Variants in ANO3 observed in about 807,000 individuals in gnomAD.
ANO3 encodes the protein anoctamin-3.
In ANO3, 99 loss-of-function variants were observed where a neutral mutation model predicts 144.8. That is an observed-to-expected ratio of 0.68 (90% confidence interval 0.58 to 0.81). The LOEUF is 0.81. Ranked by LOEUF, ANO3 falls within the 30% of genes least tolerant of loss-of-function variation. The probability of loss-of-function intolerance (pLI) is 0.00; values close to 1 mark genes in which losing one functional copy is unlikely to be tolerated. For missense variants in ANO3, 905 were observed against 1,202.2 expected (o/e 0.75, Z 3.66); for synonymous variants, 414 against 392.6 (o/e 1.05, Z -0.64).
intron 14 of ANO3, among the ~76,000 whole-genome samples, chr11:26,585,492 C>T (rs183829645): frequency 3.3e-5 from 5 of 152,168 alleles, no homozygotes; most frequent in Admixed American, 3.3e-4. Context: ...CCTCTGTTGC[C>T]ATCTTTATTT....
At chr11:26,267,182 A>C (rs1014393827) in intron 1 of ANO3, among the ~76,000 whole-genome samples, 1 of 150,478 alleles carries the variant, frequency 6.6e-6, no homozygotes, top group Admixed American at 6.6e-5. Flanking sequence ...TCACGCACGC[A>C]CGCACACACA....
At chr11:26,571,197 G>A (rs766278043) in intron 14 of ANO3, among the ~76,000 whole-genome samples, 8 of 151,964 alleles carry the variant, frequency 5.3e-5, no homozygotes, top group South Asian at 2.1e-4. Context: ...AAGTTTCTCC[G>A]AAAGGAAAGT....
chr11:26,550,208 A>G (rs1590508507), intron 12 of ANO3, among the ~76,000 whole-genome samples: 1 of 148,440 alleles, frequency 6.7e-6, no homozygotes, highest in East Asian at 1.9e-4. Context: ...AAATAAATTA[A>G]CACAATTAAT....
At chr11:26,649,183 G>A (rs1438831277) in intron 24 of ANO3, among the ~76,000 whole-genome samples, 2 of 152,072 alleles carry the variant, frequency 1.3e-5, no homozygotes, top group Non-Finnish European at 2.9e-5. Context: ...AACAAAACGA[G>A]ACTATAATTC....
At chr11:26,462,356 T>C (rs1477322926) in intron 3 of ANO3, among the ~76,000 whole-genome samples, 1 of 151,956 alleles carries the variant, frequency 6.6e-6, no homozygotes, top group African/African-American at 2.4e-5. Context: ...CTTGGTCATA[T>C]AGACACCATA....
intron 1 of ANO3, among the ~76,000 whole-genome samples, chr11:26,438,482 C>T (rs1046862207): frequency 2.7e-5 from 4 of 148,758 alleles, no homozygotes; most frequent in African/African-American, 7.5e-5. Flanking sequence ...TGCAGTGGCT[C>T]ATGCCTATAA....
intron 1 of ANO3, among the ~76,000 whole-genome samples, chr11:26,376,753 C>T (rs186500386): frequency 3.6e-4 from 54 of 152,060 alleles, no homozygotes; most frequent in East Asian, 5.8e-4. Context: ...GTGGAGTAAA[C>T]GGCTAGCAAT....
chr11:26,213,571 G>A (rs35926520), intron 1 of ANO3, among the ~76,000 whole-genome samples: 45,953 of 151,974 alleles, frequency 0.3, 7,692 homozygotes, highest in Non-Finnish European at 0.37. Context: ...AACTTACAAG[G>A]GATGTGAAGG....
At chr11:26,577,588 A>C (rs1344873750) in intron 14 of ANO3, among the ~76,000 whole-genome samples, 1 of 151,562 alleles carries the variant, frequency 6.6e-6, no homozygotes, top group Non-Finnish European at 1.5e-5. Flanking sequence ...AAAGAGAGAG[A>C]GAGAGAAAGT....
intron 11 of ANO3, among the ~76,000 whole-genome samples, chr11:26,545,619 A>G (rs1341054447): frequency 6.6e-6 from 1 of 151,986 alleles, no homozygotes; most frequent in Non-Finnish European, 1.5e-5. Flanking sequence ...CAATTCTAAA[A>G]GCATAGATTT....
At chr11:26,236,546 C>T (rs1852526866) in intron 1 of ANO3, among the ~76,000 whole-genome samples, 1 of 152,052 alleles carries the variant, frequency 6.6e-6, no homozygotes, top group Non-Finnish European at 1.5e-5. Flanking sequence ...CGGCCGGGGG[C>T]CGCGGCTCAT....
intron 18 of ANO3, among the ~76,000 whole-genome samples, chr11:26,627,958 T>G (rs1455723701): frequency 2.6e-5 from 4 of 152,066 alleles, no homozygotes; most frequent in African/African-American, 9.7e-5. Flanking sequence ...CATATGCTAT[T>G]TAAAGAATTT....
At chr11:26,544,251 C>CATATAT (rs1554967685) in intron 11 of ANO3, among the ~76,000 whole-genome samples, 5,944 of 38,710 alleles carry the variant, frequency 0.15, 919 homozygotes, top group Non-Finnish European at 0.27. Flanking sequence ...TTTCATTATA[C>CATATAT]ATATATATAT....
At chr11:26,630,462 C>G (rs1031078780) in intron 18 of ANO3, among the ~76,000 whole-genome samples, 6 of 152,180 alleles carry the variant, frequency 3.9e-5, no homozygotes, top group Admixed American at 6.5e-5. Context: ...GAAAGTCTTA[C>G]TTTGGGAGGA....
At chr11:26,556,016 C>T (rs983716764) in intron 13 of ANO3, among the ~76,000 whole-genome samples, 1 of 151,836 alleles carries the variant, frequency 6.6e-6, no homozygotes, top group Non-Finnish European at 1.5e-5. Context: ...ATAATTATTC[C>T]CTTTATAATT....
At chr11:26,643,895 G>A (rs1008637607) in intron 23 of ANO3, among the ~76,000 whole-genome samples, 2 of 152,140 alleles carry the variant, frequency 1.3e-5, no homozygotes, top group East Asian at 1.9e-4. Flanking sequence ...AGGACACAGC[G>A]TTTGTCCCCT....
At chr11:26,189,463 CT>C in intron 1 of ANO3, 1 of 418,384 alleles carries the variant, frequency 2.4e-6, no homozygotes, top group Non-Finnish European at 3.2e-6. Context: ...ATTTTAGTTT[CT>C]TTAGTTTTTT....
chr11:26,464,857 A>G lies in ANO3; in HGVS notation c.432+1709A>G, dbSNP rs547553862. 2.0e-5 allele frequency among the ~76,000 whole-genome samples: 3 copies of G among 151,886 alleles called. No homozygotes were observed. The South Asian group carries it at 6.2e-4, about 31-fold the overall frequency. On this transcript the variant is annotated intron_variant, in intron 4 of 26. Coordinates refer to ENST00000256737, the MANE Select transcript of ANO3 (RefSeq NM_031418.4). ...TTCTAGCTTCTATTAAAATGTGTCCACTTTTATCCATTTTATAGTTTTGAG... is the reference window on the plus strand; with the variant it reads ...TTCTAGCTTCTATTAAAATGTGTCCGCTTTTATCCATTTTATAGTTTTGAG...
rs1443107131 is a variant in ANO3 at position 26,529,568 on chromosome 11, G to A, written c.738-1637G>A. Among the ~76,000 whole-genome samples the A allele has an allele frequency of 2.1e-5, 3 of 144,012 alleles. No individual in the cohort carries two copies. In the East Asian group the frequency reaches 6.1e-4, roughly 29 times the overall value. The allele number at this position is 144,012 out of a possible 152,430, so 94.5% of individuals were successfully genotyped here. ...TACTAATTTTTTTTCTGAAGTTCAA[G>A]CAGAGTTGGCCAAAGAAATATTGAG... On this transcript the variant is annotated intron_variant, in intron 7 of 26. Coordinates refer to ENST00000256737, the MANE Select transcript of ANO3 (RefSeq NM_031418.4).
Sources: allele counts gnomAD v4.1 joint callset (sites outside exome capture counted in the v4.1 genomes callset), GRCh38; gene constraint gnomAD v4.1.1; transcripts MANE v1.5; gene names NCBI Gene and HGNC (gene_info 2026-07-23, HGNC 2026-07-21).